CNTNAP4: variants seen among roughly 807,000 people sequenced by gnomAD.
The protein encoded by CNTNAP4 is contactin-associated protein-like 4.
A neutral mutation model predicts 148.4 loss-of-function variants in CNTNAP4; 98 were observed. That is an observed-to-expected ratio of 0.66 (90% CI 0.56 to 0.78). CNTNAP4 has a LOEUF of 0.78. Ranked by LOEUF, CNTNAP4 falls within the 30% of genes least tolerant of loss-of-function variation. The pLI is 0.00. For synonymous variants in CNTNAP4, 730 were observed against 565.1 expected, an observed-to-expected ratio of 1.29 and a Z score of -4.14; for missense variants, 1,935 against 1,565.6, an observed-to-expected ratio of 1.24 and a Z score of -3.98.
At chr16:76,309,349 A>C (rs1960839920) in intron 1 of CNTNAP4, among the ~76,000 whole-genome samples, 1 of 151,998 alleles carries the variant, frequency 6.6e-6, no homozygotes, top group African/African-American at 2.4e-5. Flanking sequence ...GTTGGCCACC[A>C]CCATTTGAGT....
chr16:76,518,983 G>A (rs900742659), intron 15 of CNTNAP4, among the ~76,000 whole-genome samples: 1 of 152,212 alleles, frequency 6.6e-6, no homozygotes, highest in Admixed American at 6.5e-5. Context: ...TGCCTGCTGA[G>A]CTCTGTTTCC....
At chr16:76,302,931 G>T (rs1960129794) in intron 1 of CNTNAP4, among the ~76,000 whole-genome samples, 1 of 152,164 alleles carries the variant, frequency 6.6e-6, no homozygotes, top group Admixed American at 6.6e-5. Flanking sequence ...TTGTAATAGT[G>T]ATGGGTCCCT....
chr16:76,317,601 C>T (rs1337725342), intron 2 of CNTNAP4, among the ~76,000 whole-genome samples: 1 of 152,182 alleles, frequency 6.6e-6, no homozygotes, highest in Non-Finnish European at 1.5e-5. Flanking sequence ...TTATCCTCCT[C>T]TCGTGGCAAC....
At chr16:76,357,526 A>G (rs912410772) in intron 3 of CNTNAP4, among the ~76,000 whole-genome samples, 23 of 152,150 alleles carry the variant, frequency 1.5e-4, no homozygotes, top group Non-Finnish European at 2.4e-4. Context: ...TTAAGGTAAC[A>G]TTGCTTTCTA....
intron 2 of CNTNAP4, among the ~76,000 whole-genome samples, chr16:76,333,588 A>T (rs1415862836): frequency 6.6e-6 from 1 of 152,038 alleles, no homozygotes; most frequent in South Asian, 2.1e-4. Context: ...ATCCAATATC[A>T]TTGCTTCCTC....
At chr16:76,292,921 G>A (rs1219630522) in intron 1 of CNTNAP4, among the ~76,000 whole-genome samples, 1 of 152,106 alleles carries the variant, frequency 6.6e-6, no homozygotes, top group Non-Finnish European at 1.5e-5. Flanking sequence ...GTCTCCTGGA[G>A]AGTGAATATG....
rs184233651 is a variant in CNTNAP4 at position 76,539,876 on chromosome 16, G to A, written c.3354+24G>A. On this transcript the variant is annotated intron_variant, in intron 20 of 23. Coordinates refer to ENST00000611870, the MANE Select transcript of CNTNAP4 (RefSeq NM_033401.5). ...AGGTAATGTAGTAAATTCAGCAGAA[G>A]CAATCATTTTAATGACTCTCCAGCA... 4.6e-6 allele frequency: 7 copies of A among 1,529,536 alleles called. No homozygotes were observed. The Admixed American group carries it at 1.2e-4, about 26-fold the overall frequency. The allele number at this position is 1,529,536 out of a possible 1,614,324, so 94.7% of individuals were successfully genotyped here.
intron 14 of CNTNAP4, among the ~76,000 whole-genome samples, chr16:76,497,686 C>A: frequency 6.7e-6 from 1 of 149,674 alleles, no homozygotes; most frequent in African/African-American, 2.5e-5. Context: ...CACACTGGGT[C>A]CTGTTGGGGA....
chr16:76,451,963 T>TTA, intron 7 of CNTNAP4, among the ~76,000 whole-genome samples: 1 of 152,120 alleles, frequency 6.6e-6, no homozygotes, highest in East Asian at 1.9e-4. Context: ...TCATTACGTA[T>TTA]TATATATATG....
chr16:76,400,970 A>G (rs1167256821), intron 3 of CNTNAP4, among the ~76,000 whole-genome samples: 1 of 152,138 alleles, frequency 6.6e-6, no homozygotes, highest in African/African-American at 2.4e-5. Flanking sequence ...GTCAGATAAC[A>G]TGACGTCTCC....
chr16:76,339,688 C>G (rs1964309751), intron 2 of CNTNAP4, among the ~76,000 whole-genome samples: 1 of 152,184 alleles, frequency 6.6e-6, no homozygotes, highest in Non-Finnish European at 1.5e-5. Flanking sequence ...GAAGTTATCT[C>G]AGAATCTATC....
intron 4 of CNTNAP4, among the ~76,000 whole-genome samples, chr16:76,436,185 A>G (rs758228073): frequency 7.2e-5 from 11 of 152,060 alleles, no homozygotes; most frequent in Non-Finnish European, 4.4e-5. Flanking sequence ...CGCAGGGTTT[A>G]TCTCCTCAGA....
chr16:76,518,407 C>T (rs2083332155), intron 15 of CNTNAP4, among the ~76,000 whole-genome samples: 1 of 152,156 alleles, frequency 6.6e-6, no homozygotes, highest in Non-Finnish European at 1.5e-5. Context: ...GGATTACAGG[C>T]ATGAGCCACC....
At position 76,338,932 on chromosome 16, in the gene CNTNAP4, G is replaced by C. The variant is rs535071479; in HGVS notation, c.197-16386G>C. Among the ~76,000 whole-genome samples the C allele has an allele frequency of 2.0e-5, 3 of 151,152 alleles. No homozygotes were observed. The South Asian group carries it at 6.2e-4, about 31-fold the overall frequency. ...TCTCTGTTTATAGCCAGCAGATCCA[G>C]AGTCATTCCCAGCATTTCTTTTGAT... On this transcript the variant is annotated intron_variant, in intron 2 of 23. Coordinates refer to ENST00000611870, the MANE Select transcript of CNTNAP4 (RefSeq NM_033401.5).
intron 3 of CNTNAP4, among the ~76,000 whole-genome samples, chr16:76,386,002 T>C (rs1216491208): frequency 6.6e-6 from 1 of 152,184 alleles, no homozygotes; most frequent in African/African-American, 2.4e-5. Context: ...AACACTTGTT[T>C]ACAGTATTGT....
chr16:76,560,481 A>G lies in CNTNAP4; in HGVS notation c.*1798A>G, dbSNP rs771946418. Among the ~76,000 whole-genome samples, 3 of 152,180 alleles carry G rather than the reference A, an allele frequency of 2.0e-5. No homozygotes were observed. Among genetic ancestry groups the G allele is most frequent in the Non-Finnish European group, 2.9e-5 (2 of 68,012 alleles). On this transcript the variant is annotated 3_prime_UTR_variant, in exon 24 of 24. Coordinates refer to ENST00000611870, the MANE Select transcript of CNTNAP4 (RefSeq NM_033401.5). ...GACAAGGGAAGGATTTAACATAGAA[A>G]TGGCATTATTTATTCGATGCAAAGC...
In CNTNAP4 at chr16:76,497,664, G is replaced by A. The variant is rs2879778; in HGVS notation, c.2238-903G>A. Among the ~76,000 whole-genome samples, 40 of 151,188 alleles carry A rather than the reference G, an allele frequency of 2.6e-4. No individual in the cohort carries two copies. The South Asian group carries it at 8.1e-3, about 30-fold the overall frequency. ...GAACAATGAGAACATAAGGACATGG[G>A]GGGGAACATCACACACTGGGTCCTG... On this transcript the variant is annotated intron_variant, in intron 14 of 23. Coordinates refer to ENST00000611870, the MANE Select transcript of CNTNAP4 (RefSeq NM_033401.5).
At chr16:76,542,003 A>G (rs908681772) in intron 21 of CNTNAP4, among the ~76,000 whole-genome samples, 1 of 152,234 alleles carries the variant, frequency 6.6e-6, no homozygotes, top group African/African-American at 2.4e-5. Context: ...TATATAGCCA[A>G]TAACATATTT....
chr16:76,419,540 G>T lies in CNTNAP4; in HGVS notation c.391-7912G>T, dbSNP rs1298870690. Reference sequence around the variant, plus strand: ...TGCTAGTCTACACTCAGTTTCCAGAGATTCACCAAAATTATCATAGAAGTT... The same window carrying T: ...TGCTAGTCTACACTCAGTTTCCAGATATTCACCAAAATTATCATAGAAGTT... On this transcript the variant is annotated intron_variant, in intron 3 of 23. Transcript: ENST00000611870. 3.3e-5 allele frequency among the ~76,000 whole-genome samples: 5 copies of T among 151,974 alleles called. No homozygotes were observed. In the East Asian group the frequency reaches 9.7e-4, roughly 29 times the overall value.
Sources: gnomAD v4.1 joint callset for allele counts (sites outside exome capture counted in the v4.1 genomes callset) on GRCh38, gnomAD v4.1.1 for gene constraint, MANE v1.5 for transcripts, NCBI Gene and HGNC (gene_info 2026-07-23, HGNC 2026-07-21) for gene names.